TMEM108: variants seen among roughly 807,000 people sequenced by gnomAD.
The protein encoded by TMEM108 is cancer/testis antigen 124.
TMEM108 carries 12 observed loss-of-function variants against 35.1 expected under a neutral mutation model. That is an observed-to-expected ratio of 0.34 (90% confidence interval 0.22 to 0.55). TMEM108 has a LOEUF of 0.55. Among genes scored for constraint, TMEM108 ranks in the 20% least tolerant of loss-of-function variants. The probability of loss-of-function intolerance (pLI) is 0.89; values close to 1 mark genes in which losing one functional copy is unlikely to be tolerated. For synonymous variants in TMEM108, 287 were observed against 308.6 expected (o/e 0.93, Z 0.73); for missense variants, 680 against 753.3 (o/e 0.90, Z 1.14).
At chr3:133,066,076 A>G (rs1003538650) in intron 2 of TMEM108, among the ~76,000 whole-genome samples, 16 of 152,176 alleles carry the variant, frequency 1.1e-4, no homozygotes, top group Non-Finnish European at 1.5e-4. Context: ...TTACTTTACT[A>G]TATTTGGTGG....
chr3:133,168,953 T>C (rs575939703), intron 2 of TMEM108, among the ~76,000 whole-genome samples: 1 of 151,856 alleles, frequency 6.6e-6, no homozygotes, highest in Non-Finnish European at 1.5e-5. Context: ...TTCAATCCTA[T>C]AGTCAGCGAG....
At chr3:133,369,512 G>A (rs151208813) in intron 3 of TMEM108, among the ~76,000 whole-genome samples, 2 of 152,262 alleles carry the variant, frequency 1.3e-5, no homozygotes, top group African/African-American at 4.8e-5. Flanking sequence ...TGTTTACCCT[G>A]ACTCCGCAGT....
At chr3:133,075,897 G>A (rs545925104) in intron 2 of TMEM108, among the ~76,000 whole-genome samples, 1 of 152,270 alleles carries the variant, frequency 6.6e-6, no homozygotes, top group African/African-American at 2.4e-5. Context: ...GAGGCCACAA[G>A]CAAGTGATGT....
intron 3 of TMEM108, among the ~76,000 whole-genome samples, chr3:133,302,710 GC>G (rs1314095871): frequency 1.3e-5 from 2 of 151,862 alleles, no homozygotes; most frequent in Non-Finnish European, 2.9e-5. Flanking sequence ...GTGAGCCACC[GC>G]CCCCGGCCAG....
chr3:133,339,271 G>C (rs1417316295), intron 3 of TMEM108, among the ~76,000 whole-genome samples: 1 of 151,262 alleles, frequency 6.6e-6, no homozygotes, highest in Non-Finnish European at 1.5e-5. Flanking sequence ...GATGGAAAAA[G>C]ATCTTCCATG....
intron 3 of TMEM108, among the ~76,000 whole-genome samples, chr3:133,230,589 A>G (rs73217520): frequency 0.042 from 6,457 of 152,314 alleles, 172 homozygotes; most frequent in Non-Finnish European, 0.062. Context: ...GAGGAGACAT[A>G]TGAAGGATAA....
At chr3:133,370,530 A>G (rs1057097762) in intron 3 of TMEM108, among the ~76,000 whole-genome samples, 1 of 152,154 alleles carries the variant, frequency 6.6e-6, no homozygotes, top group Non-Finnish European at 1.5e-5. Context: ...AACAGTTTTT[A>G]TGAGCTTCTT....
rs1193740746 is a variant in TMEM108, at chr3:133,396,114, C to G, written c.*128C>G. 3.1e-6 allele frequency: 2 copies of G among 645,528 alleles called. No homozygotes were observed. Among genetic ancestry groups the G allele is most frequent in the Non-Finnish European group, 4.1e-6 (2 of 482,634 alleles). 40.0% of individuals were successfully genotyped at this position (645,528 alleles called of 1,614,324 possible). On this transcript the variant is annotated 3_prime_UTR_variant, in exon 6 of 6. Transcript: ENST00000321871. ...TGAGAAACATTTTCAGCTTTTTTTC[C>G]TATGAATTGTCAACATCTTTTTTAC...
At chr3:133,131,123 C>G (rs896545992) in intron 2 of TMEM108, among the ~76,000 whole-genome samples, 2 of 152,080 alleles carry the variant, frequency 1.3e-5, no homozygotes, top group Admixed American at 1.3e-4. Context: ...ATGTAAACAG[C>G]TTTGTATAGA....
intron 2 of TMEM108, among the ~76,000 whole-genome samples, chr3:133,080,534 C>T (rs1436243200): frequency 6.6e-6 from 1 of 152,218 alleles, no homozygotes; most frequent in East Asian, 1.9e-4. Context: ...ACACTTTCTC[C>T]CCTGGAATCC....
At chr3:133,367,532 C>A (rs950293914) in intron 3 of TMEM108, among the ~76,000 whole-genome samples, 10 of 152,242 alleles carry the variant, frequency 6.6e-5, no homozygotes, top group African/African-American at 2.4e-4. Context: ...CACAAGGATG[C>A]ACAGCTGTGT....
At chr3:133,197,886 G>A (rs183617276) in intron 2 of TMEM108, among the ~76,000 whole-genome samples, 1 of 152,276 alleles carries the variant, frequency 6.6e-6, no homozygotes, top group Non-Finnish European at 1.5e-5. Flanking sequence ...TGGTCCTCTG[G>A]TTTGTTAGAA....
At chr3:133,253,001 T>A (rs967141319) in intron 3 of TMEM108, among the ~76,000 whole-genome samples, 7 of 152,180 alleles carry the variant, frequency 4.6e-5, no homozygotes, top group African/African-American at 1.4e-4. Context: ...CCAACTGTAT[T>A]ATGTGTTATA....
At chr3:133,362,116 G>A (rs1448268910) in intron 3 of TMEM108, among the ~76,000 whole-genome samples, 1 of 151,894 alleles carries the variant, frequency 6.6e-6, no homozygotes, top group Non-Finnish European at 1.5e-5. Flanking sequence ...TTCCTGCTGT[G>A]GGGAGATGAG....
chr3:133,259,674 A>T (rs1270534015), intron 3 of TMEM108, among the ~76,000 whole-genome samples: 2 of 152,252 alleles, frequency 1.3e-5, no homozygotes, highest in Non-Finnish European at 2.9e-5. Context: ...AGAATTTTTC[A>T]ATAGGAGGAC....
At chr3:133,370,871 A>AGTGTGTGTGT (rs71624013) in intron 3 of TMEM108, among the ~76,000 whole-genome samples, 5,302 of 125,416 alleles carry the variant, frequency 0.042, 207 homozygotes, top group East Asian at 0.054. Context: ...CCCAGCCCAT[A>AGTGTGTGTGT]GTGTGTGTGT....
At chr3:133,303,781 A>G (rs1947264266) in intron 3 of TMEM108, among the ~76,000 whole-genome samples, 1 of 152,212 alleles carries the variant, frequency 6.6e-6, no homozygotes, top group African/African-American at 2.4e-5. Flanking sequence ...AATAAGTCCA[A>G]TTTTAATTGA....
At position 133,270,459 on chromosome 3, in the gene TMEM108, G is replaced by T. The variant is rs184817808; in HGVS notation, c.40+41108G>T. 2.4e-3 allele frequency among the ~76,000 whole-genome samples: 358 copies of T among 152,238 alleles called. 2 individuals carry two copies. Among genetic ancestry groups the T allele is most frequent in the African/African-American group, 7.9e-3 (328 of 41,516 alleles). On this transcript the variant is annotated intron_variant, in intron 3 of 5. Transcript: ENST00000321871. ...AATTAAAACCCTGAGAGTTTGTGACGTTCCCTAGGTTGCATAGCTGATCTG... is the reference window on the plus strand; with the variant it reads ...AATTAAAACCCTGAGAGTTTGTGACTTTCCCTAGGTTGCATAGCTGATCTG...
intron 1 of TMEM108, among the ~76,000 whole-genome samples, chr3:133,038,946 A>G (rs1415738355): frequency 1.3e-5 from 2 of 148,516 alleles, no homozygotes; most frequent in Admixed American, 1.4e-4. Flanking sequence ...CCTCCTGCCT[A>G]GGTGCCGGCG....
Sources: gnomAD v4.1 joint callset for allele counts (sites outside exome capture counted in the v4.1 genomes callset) on GRCh38, gnomAD v4.1.1 for gene constraint, MANE v1.5 for transcripts, NCBI Gene and HGNC (gene_info 2026-07-23, HGNC 2026-07-21) for gene names.